ERO1B: variants seen among roughly 807,000 people sequenced by gnomAD.
The protein encoded by ERO1B is ERO1-like protein beta.
In ERO1B, 49 loss-of-function variants were observed where a neutral mutation model predicts 75.3. The observed-to-expected ratio is 0.65, with a 90% CI of 0.52 to 0.83. ERO1B has a LOEUF of 0.83. ERO1B is among the 40% of genes least tolerant of loss of function. The pLI, the probability that ERO1B is intolerant of heterozygous loss-of-function variation, is 0.00. For missense variants in ERO1B, 512 were observed against 560.1 expected (o/e 0.91, Z 0.87); for synonymous variants, 191 against 192.9 (o/e 0.99, Z 0.08).
chr1:236,238,759 T>A (rs1005817341), intron 6 of ERO1B, among the ~76,000 whole-genome samples: 3 of 151,992 alleles, frequency 2.0e-5, no homozygotes, highest in African/African-American at 7.2e-5. Context: ...TGTGTGTACA[T>A]GTAGGACTAC....
chr1:236,223,665 A>C (rs1726623), intron 13 of ERO1B, among the ~76,000 whole-genome samples: 71,298 of 151,918 alleles, frequency 0.47, 17,446 homozygotes, highest in East Asian at 0.88. Flanking sequence ...GCTGTGAGAC[A>C]CTTAGGCTTT....
rs1033987370 is a variant in ERO1B, at chr1:236,232,905, T to C, written c.674-66A>G. 7 of 1,361,722 alleles carry C rather than the reference T, an allele frequency of 5.1e-6. No homozygotes were observed. In the East Asian group the frequency reaches 1.7e-4, roughly 33 times the overall value. The allele number at this position is 1,361,722 out of a possible 1,614,324, so 84.4% of individuals were successfully genotyped here. On this transcript the variant is annotated intron_variant, in intron 8 of 15. Transcript: ENST00000354619. ...TACATAGCTCAGATCCCAATACTAT[T>C]TTTTGAGATTAAAACTGTTAAACTA...
intron 1 of ERO1B, among the ~76,000 whole-genome samples, chr1:236,275,647 C>T (rs1436833573): frequency 6.6e-6 from 1 of 152,170 alleles, no homozygotes; most frequent in East Asian, 1.9e-4. Flanking sequence ...TTTCTAATCA[C>T]TTGGGTCTTT....
intron 3 of ERO1B, among the ~76,000 whole-genome samples, 158 bp from the exon 4 acceptor site, chr1:236,252,249 TAAAGTA>T (rs1479578105): frequency 6.6e-6 from 1 of 152,118 alleles, no homozygotes; most frequent in African/African-American, 2.4e-5. Flanking sequence ...CACTATCTCA[TAAAGTA>T]AAAGTGTTAT....
At position 236,236,341 on chromosome 1, in the gene ERO1B, G is replaced by A; in HGVS notation, c.563C>T (p.Thr188Ile). 6.2e-7 allele frequency: 1 copy of A among 1,613,822 alleles called. No individual in the cohort carries two copies. Among genetic ancestry groups the A allele is most frequent in the Non-Finnish European group, 8.5e-7 (1 of 1,179,956 alleles). The change falls in exon 7 of 16, where the codon ACT becomes ATT. Residue 188 changes from threonine to isoleucine, a missense_variant. Thr to Ile is a moderately conservative substitution (Grantham distance 89). Coordinates refer to ENST00000354619, the MANE Select transcript of ERO1B (RefSeq NM_019891.4). ...VDLLLNPERY[T>I]GYKGTSAWRV... The stretch of plus-strand genomic sequence containing the variant: ...CCATGCAGAGGTCCCTTTATAGCCA[G>A]TGTAACGCTCTGGGTTCAGCAATAG...
intron 5 of ERO1B, among the ~76,000 whole-genome samples, chr1:236,247,517 C>T (rs1181026268): frequency 1.3e-5 from 2 of 152,150 alleles, no homozygotes; most frequent in Non-Finnish European, 1.5e-5. Flanking sequence ...TTTAAATCAC[C>T]ATAATGTCTT....
intron 1 of ERO1B, among the ~76,000 whole-genome samples, chr1:236,277,694 A>C (rs1210054817): frequency 6.6e-6 from 1 of 152,174 alleles, no homozygotes; most frequent in African/African-American, 2.4e-5. Flanking sequence ...CAATTTTAGT[A>C]AGGTATGAAC....
At chr1:236,280,032 G>A (rs541633685) in intron 1 of ERO1B, among the ~76,000 whole-genome samples, 1 of 152,286 alleles carries the variant, frequency 6.6e-6, no homozygotes, top group South Asian at 2.1e-4. Context: ...GCTCACACCT[G>A]TAATCCCAGC....
intron 15 of ERO1B, 25 bp from the exon 16 acceptor site, chr1:236,218,601 T>C: frequency 7.5e-7 from 1 of 1,328,000 alleles, no homozygotes; most frequent in Non-Finnish European, 9.8e-7. Flanking sequence ...AAAAGCTTAT[T>C]AGTAAGGCTA....
At position 236,281,767 on chromosome 1, in the gene ERO1B, CG is replaced by C; in HGVS notation, c.16del (p.Arg6AlafsTer9). The C allele has an allele frequency of 6.6e-7, 1 of 1,514,370 alleles. No homozygotes were observed. The highest frequency in any genetic ancestry group is 8.8e-7 in the Non-Finnish European group (1 of 1,134,328). The allele number at this position is 1,514,370 out of a possible 1,614,324, so 93.8% of individuals were successfully genotyped here. A position where few individuals can be genotyped will look rare whatever the true frequency, so the allele number is the denominator to read the frequency against. On this transcript the variant is annotated frameshift_variant, in exon 1 of 16. Transcript: ENST00000354619. LOFTEE classifies it high-confidence loss of function. MSQGV[R>X]RAGAGQGVAA... Reference sequence around the variant, plus strand: ...TACCCCCTGCCCAGCGCCTGCCCGGCGGACCCCTTGGCTCATGCTGACCTCT... The same window carrying C: ...TACCCCCTGCCCAGCGCCTGCCCGGCGACCCCTTGGCTCATGCTGACCTCT...
At chr1:236,281,435 C>T (rs1273316926) in intron 1 of ERO1B, 2 of 369,590 alleles carry the variant, frequency 5.4e-6, no homozygotes, top group African/African-American at 2.1e-5. Flanking sequence ...TCAGGGGGAC[C>T]GTCACCATCT....
At chr1:236,260,373 C>G (rs970103739) in intron 2 of ERO1B, among the ~76,000 whole-genome samples, 1 of 152,056 alleles carries the variant, frequency 6.6e-6, no homozygotes, top group Non-Finnish European at 1.5e-5. Flanking sequence ...CAAAGAAAGA[C>G]GAGGCACTGG....
chr1:236,279,359 C>T (rs757798892), intron 1 of ERO1B, among the ~76,000 whole-genome samples: 13 of 151,422 alleles, frequency 8.6e-5, no homozygotes, highest in Non-Finnish European at 1.9e-4. Flanking sequence ...CAAAATTAGC[C>T]GTGTGTGGTG....
intron 1 of ERO1B, among the ~76,000 whole-genome samples, chr1:236,280,338 A>G (rs897702792): frequency 5.3e-5 from 8 of 152,266 alleles, no homozygotes; most frequent in African/African-American, 1.9e-4. Context: ...ATTTTGCCAA[A>G]GACAATTTGG....
intron 2 of ERO1B, among the ~76,000 whole-genome samples, chr1:236,265,467 T>C (rs994729386): frequency 6.6e-6 from 1 of 152,182 alleles, no homozygotes; most frequent in African/African-American, 2.4e-5. Flanking sequence ...ACTCAATTCA[T>C]CAGAAAAGCT....
At chr1:236,266,282 C>G (rs1324759720) in intron 2 of ERO1B, among the ~76,000 whole-genome samples, 2 of 152,196 alleles carry the variant, frequency 1.3e-5, no homozygotes, top group Admixed American at 6.5e-5. Flanking sequence ...ACCTGTATTC[C>G]TTGCTTGTTG....
chr1:236,281,083 G>A (rs186913606), intron 1 of ERO1B, among the ~76,000 whole-genome samples: 1 of 152,324 alleles, frequency 6.6e-6, no homozygotes, highest in East Asian at 1.9e-4. Flanking sequence ...GGACTTACCT[G>A]GCGATGCCAC....
intron 6 of ERO1B, among the ~76,000 whole-genome samples, chr1:236,239,939 CTG>C (rs1664657013): frequency 1.4e-5 from 2 of 141,222 alleles, no homozygotes; most frequent in Admixed American, 1.5e-4. Flanking sequence ...GAGGCTGACT[CTG>C]TTGAGCAGTG....
At chr1:236,232,875 T>C (rs780842842) in intron 8 of ERO1B, 36 bp from the exon 9 acceptor site, 8 of 1,555,140 alleles carry the variant, frequency 5.1e-6, no homozygotes, top group Admixed American at 1.8e-5. Context: ...TTTTAGAAAA[T>C]GTCTTACATA....
Sources: allele counts gnomAD v4.1 joint callset (sites outside exome capture counted in the v4.1 genomes callset), GRCh38; gene constraint gnomAD v4.1.1; transcripts MANE v1.5; gene names NCBI Gene and HGNC (gene_info 2026-07-23, HGNC 2026-07-21).